The following RAB7A variants were observed in gnomAD, a reference collection of about 807,000 sequenced individuals.
RAB7A encodes the protein RAB7A, member RAS oncogene family.
A neutral mutation model predicts 24.5 loss-of-function variants in RAB7A; 2 were observed. That is an observed-to-expected ratio of 0.08 (90% CI 0.03 to 0.26). The LOEUF (loss-of-function observed/expected upper bound fraction) is 0.26, where lower values mean the gene tolerates loss of function less well. RAB7A is among the 10% of genes least tolerant of loss of function. RAB7A has a pLI of 1.00. For synonymous variants in RAB7A, 100 were observed against 95.9 expected, an observed-to-expected ratio of 1.04 and a Z score of -0.25; for missense variants, 118 against 255.7, an observed-to-expected ratio of 0.46 and a Z score of 3.67.
intron 1 of RAB7A, among the ~76,000 whole-genome samples, chr3:128,759,829 G>T (rs2070763158): frequency 6.6e-6 from 1 of 151,976 alleles, no homozygotes; most frequent in African/African-American, 2.4e-5. Flanking sequence ...TCCTGTCTCA[G>T]CCTCCCAAGT....
intron 1 of RAB7A, among the ~76,000 whole-genome samples, chr3:128,770,867 C>T (rs2070878080): frequency 6.6e-6 from 1 of 151,932 alleles, no homozygotes; most frequent in South Asian, 2.1e-4. Flanking sequence ...AATCGTTATA[C>T]TACTCTTTTC....
intron 1 of RAB7A, among the ~76,000 whole-genome samples, chr3:128,745,839 C>T (rs2070608784): frequency 6.6e-6 from 1 of 152,212 alleles, no homozygotes; most frequent in East Asian, 1.9e-4. Flanking sequence ...TGACTTGAAT[C>T]CCATGCAGAG....
chr3:128,777,574 A>G (rs763403406), intron 1 of RAB7A, among the ~76,000 whole-genome samples: 2 of 152,198 alleles, frequency 1.3e-5, no homozygotes, highest in Admixed American at 6.5e-5. Context: ...ACTGTCTCCA[A>G]TCTGATGAAA....
chr3:128,735,556 G>T (rs2070483210), intron 1 of RAB7A, among the ~76,000 whole-genome samples: 1 of 152,204 alleles, frequency 6.6e-6, no homozygotes, highest in Non-Finnish European at 1.5e-5. Flanking sequence ...AGCTTAGTGG[G>T]CTAGGATTGA....
At chr3:128,775,006 T>C (rs999624101) in intron 1 of RAB7A, among the ~76,000 whole-genome samples, 1 of 152,198 alleles carries the variant, frequency 6.6e-6, no homozygotes, top group Non-Finnish European at 1.5e-5. Context: ...GGTCTCAAAC[T>C]CCCAACCTCA....
intron 1 of RAB7A, among the ~76,000 whole-genome samples, chr3:128,754,046 CCCTT>C (rs931712653): frequency 1.3e-5 from 2 of 151,960 alleles, no homozygotes; most frequent in Admixed American, 1.3e-4. Flanking sequence ...CACTAGATCT[CCCTT>C]CATGAAGGAA....
intron 1 of RAB7A, among the ~76,000 whole-genome samples, chr3:128,782,772 C>T (rs1933248454): frequency 6.6e-6 from 1 of 152,038 alleles, no homozygotes; most frequent in African/African-American, 2.4e-5. Flanking sequence ...ACCAAAGGAT[C>T]ACAGGTCACC....
intron 1 of RAB7A, chr3:128,795,095 T>C (rs956062741): frequency 1.2e-5 from 6 of 519,764 alleles, no homozygotes; most frequent in African/African-American, 1.9e-5. Context: ...ATTCAATTGA[T>C]CCACCACCCA....
In RAB7A at chr3:128,748,237, C is replaced by T. The variant is rs140637502; in HGVS notation, c.-9+21878C>T. Among the ~76,000 whole-genome samples the T allele has an allele frequency of 3.3e-3, 502 of 152,298 alleles. 4 individuals carry two copies. Among genetic ancestry groups the T allele is most frequent in the African/African-American group, 0.011 (477 of 41,568 alleles). On this transcript the variant is annotated intron_variant, in intron 1 of 5. Transcript: ENST00000265062. Reference sequence around the variant, plus strand: ...CAGGTGACTCCTTCTGGGTTTCCTCCACTGCTGCTGGTACATTGAGTGGAG... The same window carrying T: ...CAGGTGACTCCTTCTGGGTTTCCTCTACTGCTGCTGGTACATTGAGTGGAG...
chr3:128,777,729 C>G (rs1269855028), intron 1 of RAB7A, among the ~76,000 whole-genome samples: 3 of 152,184 alleles, frequency 2.0e-5, no homozygotes, highest in Admixed American at 6.5e-5. Flanking sequence ...TCATTGTGAT[C>G]AATTTCTGTT....
At chr3:128,739,241 G>A (rs2070524757) in intron 1 of RAB7A, among the ~76,000 whole-genome samples, 1 of 152,158 alleles carries the variant, frequency 6.6e-6, no homozygotes, top group African/African-American at 2.4e-5. Flanking sequence ...CGGGAGTGGT[G>A]GCTCACGCCT....
At chr3:128,765,109 G>T (rs1325069380) in intron 1 of RAB7A, 5 of 755,540 alleles carry the variant, frequency 6.6e-6, no homozygotes, top group Admixed American at 2.0e-5. Flanking sequence ...AGTGAAGAGG[G>T]GACAGAGGGC....
chr3:128,786,483 G>T (rs1933344724), intron 1 of RAB7A, among the ~76,000 whole-genome samples: 1 of 152,130 alleles, frequency 6.6e-6, no homozygotes, highest in African/African-American at 2.4e-5. Context: ...AGTTTTGAGG[G>T]CAAGATGACT....
intron 1 of RAB7A, among the ~76,000 whole-genome samples, chr3:128,735,865 G>T (rs1300166895): frequency 6.6e-6 from 1 of 152,168 alleles, no homozygotes; most frequent in East Asian, 1.9e-4. Context: ...AAGAAAAAAA[G>T]GCAGGAATCA....
chr3:128,747,898 G>A (rs1370860205), intron 1 of RAB7A, among the ~76,000 whole-genome samples: 1 of 151,652 alleles, frequency 6.6e-6, no homozygotes, highest in Non-Finnish European at 1.5e-5. Context: ...CTCCCAAGTA[G>A]TTGGGATTGC....
At chr3:128,795,751 C>CTTTTTGTTTTTTTTTTTTTTTTTTT (rs1933555486) in intron 2 of RAB7A, among the ~76,000 whole-genome samples, 1 of 43,032 alleles carries the variant, frequency 2.3e-5, no homozygotes, top group Non-Finnish European at 4.7e-5. Flanking sequence ...AGCAGATGTG[C>CTTTTTGTTTTTTTTTTTTTTTTTTT]TTTTTTTTTT....
At chr3:128,793,754 A>G (rs899384607) in intron 1 of RAB7A, among the ~76,000 whole-genome samples, 3 of 152,234 alleles carry the variant, frequency 2.0e-5, no homozygotes, top group Admixed American at 2.0e-4. Context: ...ACTCCAAGTC[A>G]TCTTATACTG....
chr3:128,756,194 G>A (rs1165707978), intron 1 of RAB7A, among the ~76,000 whole-genome samples: 2 of 152,066 alleles, frequency 1.3e-5, no homozygotes, highest in African/African-American at 2.4e-5. Flanking sequence ...AAATTACCTG[G>A]GTGTGGTGGC....
intron 1 of RAB7A, among the ~76,000 whole-genome samples, chr3:128,736,367 G>T (rs989355135): frequency 2.0e-5 from 3 of 152,096 alleles, no homozygotes; most frequent in Admixed American, 6.6e-5. Context: ...TTAAAAGAGG[G>T]ATTTCAGACT....
Sources: gnomAD v4.1 joint callset for allele counts (sites outside exome capture counted in the v4.1 genomes callset) on GRCh38, gnomAD v4.1.1 for gene constraint, MANE v1.5 for transcripts, NCBI Gene and HGNC (gene_info 2026-07-23, HGNC 2026-07-21) for gene names.